MTUS2: variants seen among roughly 807,000 people sequenced by gnomAD.
MTUS2 encodes microtubule-associated tumor suppressor candidate 2.
Under a neutral mutation model 114.1 loss-of-function variants are expected in MTUS2, and 40 were observed. The ratio of observed to expected loss-of-function variants is 0.35; its 90% CI spans 0.27 to 0.46. MTUS2 has a LOEUF of 0.46. MTUS2 is among the 20% of genes least tolerant of loss of function. The pLI, the probability that MTUS2 is intolerant of heterozygous loss-of-function variation, is 1.00. For synonymous variants in MTUS2, 688 were observed against 672.0 expected (o/e 1.02, Z -0.37); for missense variants, 1,679 against 1,705.4 (o/e 0.98, Z 0.27).
chr13:29,084,052 A>T (rs1033962021), intron 4 of MTUS2, among the ~76,000 whole-genome samples: 2 of 152,126 alleles, frequency 1.3e-5, no homozygotes, highest in East Asian at 3.9e-4. Flanking sequence ...TATATTATAG[A>T]TTATAATTAT....
At chr13:29,502,663 C>T (rs937646392) in intron 15 of MTUS2, among the ~76,000 whole-genome samples, 4 of 152,268 alleles carry the variant, frequency 2.6e-5, no homozygotes, top group African/African-American at 9.6e-5. Flanking sequence ...CCTTTCGGAG[C>T]TTCCGGGCAG....
Position 29,462,380 on chromosome 13 carries a change from A to G in MTUS2, c.3185-17770A>G, listed in dbSNP as rs567662577. Among the ~76,000 whole-genome samples, 17 of 152,330 alleles carry G rather than the reference A, an allele frequency of 1.1e-4. No homozygotes were observed. The South Asian group carries it at 2.7e-3, about 24-fold the overall frequency. On this transcript the variant is annotated intron_variant, in intron 9 of 15. Coordinates refer to ENST00000612955, the MANE Select transcript of MTUS2 (RefSeq NM_001033602.4). ...AGCAAAGGAGCAACATGCTCCATCT[A>G]TAGTCTTCAGAGTCGCTTTGGCTGC...
chr13:28,875,950 C>T (rs1305368540), intron 2 of MTUS2, among the ~76,000 whole-genome samples: 1 of 152,176 alleles, frequency 6.6e-6, no homozygotes, highest in Non-Finnish European at 1.5e-5. Context: ...GGCTGGGTAG[C>T]GGAATGCCAG....
intron 2 of MTUS2, among the ~76,000 whole-genome samples, chr13:28,979,371 A>G (rs1884258256): frequency 6.6e-6 from 1 of 152,200 alleles, no homozygotes; most frequent in Non-Finnish European, 1.5e-5. Context: ...TTGAAAATTA[A>G]CAATGCCTTT....
At chr13:29,131,553 A>C (rs908872835) in intron 5 of MTUS2, among the ~76,000 whole-genome samples, 4 of 152,266 alleles carry the variant, frequency 2.6e-5, no homozygotes, top group Non-Finnish European at 4.4e-5. Flanking sequence ...ATGGTGGGGC[A>C]GAGGCATTGT....
At chr13:29,194,316 A>C (rs867376775) in intron 5 of MTUS2, among the ~76,000 whole-genome samples, 5 of 152,000 alleles carry the variant, frequency 3.3e-5, no homozygotes, top group African/African-American at 4.8e-5. Flanking sequence ...CAACCTACAA[A>C]ATGGGAGAAA....
chr13:29,020,353 A>G (rs533973907), intron 2 of MTUS2, among the ~76,000 whole-genome samples: 69 of 152,296 alleles, frequency 4.5e-4, no homozygotes, highest in African/African-American at 1.5e-3. Flanking sequence ...GTCTTGTATT[A>G]TGTACAAGTT....
intron 8 of MTUS2, among the ~76,000 whole-genome samples, chr13:29,433,066 A>T (rs974053797): frequency 3.9e-5 from 6 of 152,250 alleles, no homozygotes; most frequent in Non-Finnish European, 7.3e-5. Flanking sequence ...CTCTGAGACC[A>T]GAATTTCCCA....
intron 5 of MTUS2, among the ~76,000 whole-genome samples, chr13:29,256,321 G>A (rs1216823562): frequency 6.6e-6 from 1 of 152,218 alleles, no homozygotes; most frequent in Non-Finnish European, 1.5e-5. Flanking sequence ...CCAGGGTGGG[G>A]CATCTCATCC....
intron 5 of MTUS2, among the ~76,000 whole-genome samples, chr13:29,149,343 A>G (rs541903090): frequency 6.6e-6 from 1 of 152,046 alleles, no homozygotes; most frequent in Non-Finnish European, 1.5e-5. Flanking sequence ...GTGTCTGTTC[A>G]TGTCCTTTGC....
intron 8 of MTUS2, among the ~76,000 whole-genome samples, chr13:29,395,348 G>A (rs928596336): frequency 1.2e-4 from 18 of 152,196 alleles, no homozygotes; most frequent in Non-Finnish European, 1.5e-5. Flanking sequence ...GGCGAAGGAT[G>A]TGGTGAAAGA....
intron 2 of MTUS2, among the ~76,000 whole-genome samples, chr13:28,897,722 A>G (rs1225563125): frequency 2.6e-5 from 4 of 152,206 alleles, no homozygotes; most frequent in Non-Finnish European, 5.9e-5. Flanking sequence ...CTATGCAGCC[A>G]TAAAAAATGA....
chr13:29,261,689 G>T (rs1248429789), intron 5 of MTUS2, among the ~76,000 whole-genome samples: 3 of 152,148 alleles, frequency 2.0e-5, no homozygotes, highest in Non-Finnish European at 4.4e-5. Flanking sequence ...TTTAAATTGG[G>T]TTCACATCAG....
At chr13:29,446,279 A>G (rs1878273155) in intron 9 of MTUS2, among the ~76,000 whole-genome samples, 1 of 152,218 alleles carries the variant, frequency 6.6e-6, no homozygotes, top group Non-Finnish European at 1.5e-5. Flanking sequence ...AGCACCTTGT[A>G]TGGAGCAGGC....
chr13:29,117,973 C>T (rs1891159528), intron 5 of MTUS2, among the ~76,000 whole-genome samples: 1 of 152,122 alleles, frequency 6.6e-6, no homozygotes, highest in Non-Finnish European at 1.5e-5. Flanking sequence ...GGCTGGAGGT[C>T]AAAGAGCTGC....
At chr13:28,993,239 T>G (rs1480192705) in intron 2 of MTUS2, among the ~76,000 whole-genome samples, 1 of 152,244 alleles carries the variant, frequency 6.6e-6, no homozygotes, top group Non-Finnish European at 1.5e-5. Flanking sequence ...TTCAATTCTT[T>G]TTGTGTATAC....
intron 2 of MTUS2, among the ~76,000 whole-genome samples, chr13:28,893,626 T>G (rs1454761090): frequency 6.6e-6 from 1 of 152,178 alleles, no homozygotes; most frequent in African/African-American, 2.4e-5. Context: ...TTCTGAAATA[T>G]AGGAACAGAA....
chr13:29,158,078 T>C (rs756198211), intron 5 of MTUS2, among the ~76,000 whole-genome samples: 12 of 152,330 alleles, frequency 7.9e-5, no homozygotes, highest in Admixed American at 7.8e-4. Flanking sequence ...GTCTCCTTAC[T>C]GACTGCTGCA....
chr13:29,192,346 G>T (rs995798016), intron 5 of MTUS2, among the ~76,000 whole-genome samples: 1 of 152,202 alleles, frequency 6.6e-6, no homozygotes, highest in African/African-American at 2.4e-5. Context: ...CTAAAGAAAA[G>T]TTGATGTAGA....
Sources: gnomAD v4.1 joint callset for allele counts (sites outside exome capture counted in the v4.1 genomes callset) on GRCh38, gnomAD v4.1.1 for gene constraint, MANE v1.5 for transcripts, NCBI Gene and HGNC (gene_info 2026-07-23, HGNC 2026-07-21) for gene names.